Variants in PCSK1 observed in about 807,000 individuals in gnomAD.
The protein encoded by PCSK1 is neuroendocrine convertase 1.
PCSK1 carries 56 observed loss-of-function variants against 90.6 expected under a neutral mutation model. The ratio of observed to expected loss-of-function variants is 0.62; its 90% CI spans 0.50 to 0.77. PCSK1 has a LOEUF of 0.77. Ranked by LOEUF, PCSK1 falls within the 30% of genes least tolerant of loss-of-function variation. PCSK1 has a pLI of 0.00. For synonymous variants in PCSK1, 348 were observed against 342.4 expected (o/e 1.02, Z -0.18); for missense variants, 801 against 932.6 (o/e 0.86, Z 1.84).
intron 1 of PCSK1, among the ~76,000 whole-genome samples, chr5:96,432,657 G>T (rs1345008107): frequency 6.6e-6 from 1 of 152,172 alleles, no homozygotes; most frequent in Admixed American, 6.5e-5. Flanking sequence ...GCTTCCTTCT[G>T]CTTGGCTGCG....
At chr5:96,411,599 G>A (rs746856763) in intron 7 of PCSK1, among the ~76,000 whole-genome samples, 3 of 152,314 alleles carry the variant, frequency 2.0e-5, no homozygotes, top group South Asian at 4.1e-4. Context: ...CAACAGGCAC[G>A]TGCAGAGCAG....
chr5:96,421,738 G>A (rs1189867515), intron 5 of PCSK1, 142 bp downstream of exon 5: 1 of 676,324 alleles, frequency 1.5e-6, no homozygotes, highest in Non-Finnish European at 2.7e-6. Context: ...TGTTTTAAAA[G>A]CAACAAAATA....
intron 3 of PCSK1, among the ~76,000 whole-genome samples, chr5:96,423,990 G>A (rs1237315615): frequency 6.6e-6 from 1 of 152,206 alleles, no homozygotes; most frequent in African/African-American, 2.4e-5. Flanking sequence ...CTATTTTTAA[G>A]TATGAGTGAT....
intron 3 of PCSK1, among the ~76,000 whole-genome samples, chr5:96,424,561 C>T (rs1761223508): frequency 1.3e-5 from 2 of 152,118 alleles, no homozygotes; most frequent in Admixed American, 1.3e-4. Flanking sequence ...ATCATGAGAA[C>T]AAAATGAATT....
rs113768740 is a variant in PCSK1 at position 96,396,282 on chromosome 5, C to T, written c.1722+1054G>A. 3.6e-3 allele frequency among the ~76,000 whole-genome samples: 550 copies of T among 152,174 alleles called. 2 individuals carry two copies. Among genetic ancestry groups the T allele is most frequent in the African/African-American group, 0.013 (524 of 41,510 alleles). ...TTTATTTTCAAAAAGTTATCTAGGC[C>T]GGGTGTGGTGGCTTACACCTGTAAT... On this transcript the variant is annotated intron_variant, in intron 12 of 13. Coordinates refer to ENST00000311106, the MANE Select transcript of PCSK1 (RefSeq NM_000439.5).
intron 4 of PCSK1, among the ~76,000 whole-genome samples, chr5:96,423,058 G>T (rs1283884012): frequency 1.3e-5 from 2 of 152,144 alleles, no homozygotes; most frequent in Admixed American, 6.6e-5. Context: ...AACTTAATTG[G>T]TGTAGGCACT....
intron 8 of PCSK1, among the ~76,000 whole-genome samples, chr5:96,410,457 G>A (rs751890886): frequency 1.3e-5 from 2 of 152,002 alleles, no homozygotes; most frequent in African/African-American, 2.4e-5. Flanking sequence ...CTCCTTTAAG[G>A]CTGTTTCCAG....
In PCSK1 at chr5:96,425,845, G is replaced by A. The variant is rs1561376921; in HGVS notation, c.371C>T (p.Pro124Leu). The change falls in exon 3 of 14, where the codon CCC becomes CTC. Residue 124 changes from proline (P) to leucine (L), a missense_variant. Coordinates refer to ENST00000311106, the MANE Select transcript of PCSK1 (RefSeq NM_000439.5). ...RDSALNLFND[P>L]MWNQQWYLQD... Reference sequence around the variant, plus strand: ...CAAGTACCATTGCTGATTCCACATGGGATCATTGAAGAGATTTAGTGCTGA... The same window carrying A: ...CAAGTACCATTGCTGATTCCACATGAGATCATTGAAGAGATTTAGTGCTGA... 1.9e-6 allele frequency: 3 copies of A among 1,603,014 alleles called. No individual in the cohort carries two copies. The highest frequency in any genetic ancestry group is 1.7e-6 in the Non-Finnish European group (2 of 1,169,960).
chr5:96,423,486 G>A, intron 3 of PCSK1, 27 bp from the exon 4 acceptor site: 2 of 1,611,392 alleles, frequency 1.2e-6, no homozygotes, highest in Non-Finnish European at 1.7e-6. Context: ...ACGAAGCATT[G>A]ATAAAATTAT....
In PCSK1 at chr5:96,396,112, A is replaced by C. The variant is rs922772884; in HGVS notation, c.1723-1087T>G. Among the ~76,000 whole-genome samples the C allele has an allele frequency of 3.9e-5, 6 of 152,096 alleles. No individual in the cohort carries two copies. The South Asian group carries it at 1.0e-3, about 26-fold the overall frequency. ...GCTAAGAACATTCTTTTTTTGCTCTATGAGAGAAGGACATTTTACAACTTC... is the reference window on the plus strand; with the variant it reads ...GCTAAGAACATTCTTTTTTTGCTCTCTGAGAGAAGGACATTTTACAACTTC... On this transcript the variant is annotated intron_variant, in intron 12 of 13. Transcript: ENST00000311106.
intron 3 of PCSK1, among the ~76,000 whole-genome samples, chr5:96,423,823 C>T (rs1011504960): frequency 2.2e-4 from 34 of 152,172 alleles, no homozygotes; most frequent in African/African-American, 7.5e-4. Context: ...TTTCATCTCC[C>T]CCCAAATCCT....
At chr5:96,412,721 C>A (rs916068228) in intron 6 of PCSK1, among the ~76,000 whole-genome samples, 1 of 143,452 alleles carries the variant, frequency 7.0e-6, no homozygotes, top group Non-Finnish European at 1.5e-5. Context: ...TAATACTATG[C>A]AATACCATGC....
chr5:96,432,827 G>T, intron 1 of PCSK1, 36 bp downstream of exon 1: 1 of 1,596,702 alleles, frequency 6.3e-7, no homozygotes, highest in Non-Finnish European at 8.6e-7. Context: ...AGTCCCCTGG[G>T]GCCCCAGAAA....
intron 7 of PCSK1, among the ~76,000 whole-genome samples, 170 bp from the exon 8 acceptor site, chr5:96,411,156 G>C (rs1318579986): frequency 6.6e-6 from 1 of 152,218 alleles, no homozygotes; most frequent in Non-Finnish European, 1.5e-5. Flanking sequence ...TCACAAGGCT[G>C]TGTATTATAA....
intron 3 of PCSK1, among the ~76,000 whole-genome samples, chr5:96,425,066 A>AAGAAAGAAAGAAAG (rs1554059798): frequency 1.3e-4 from 18 of 140,438 alleles, no homozygotes; most frequent in African/African-American, 4.7e-4. Context: ...GAAAGAAAGA[A>AAGAAAGAAAGAAAG]AGAAAGAAAA....
intron 5 of PCSK1, among the ~76,000 whole-genome samples, chr5:96,418,128 G>C (rs1760991976): frequency 6.6e-6 from 1 of 152,184 alleles, no homozygotes; most frequent in Non-Finnish European, 1.5e-5. Context: ...AGTGAGAGCT[G>C]CAGGAGGATC....
At chr5:96,412,755 T>TTTTTTTTTTTGTTTTG (rs1436262076) in intron 6 of PCSK1, among the ~76,000 whole-genome samples, 23 of 141,388 alleles carry the variant, frequency 1.6e-4, no homozygotes, top group African/African-American at 6.3e-4. Flanking sequence ...CTGTGATGTT[T>TTTTTTTTTTTGTTTTG]TTTTTTTTTT....
At position 96,423,430 on chromosome 5, in the gene PCSK1, G is replaced by C. The variant is rs1242317466; in HGVS notation, c.426C>G (p.Pro142=). 1 of 1,613,942 alleles carries C rather than the reference G, an allele frequency of 6.2e-7. No individual in the cohort carries two copies. The highest frequency in any genetic ancestry group is 8.5e-7 in the Non-Finnish European group (1 of 1,179,936). The part of the protein sequence containing the change: ...LQDTRMTAAL[P]KLDLHVIPVW... Reference sequence around the variant, plus strand: ...CAGGTATCACATGAAGGTCCAGCTTGGGCAGGGCTGCCGTCATCCTGGTAT... The same window carrying C: ...CAGGTATCACATGAAGGTCCAGCTTCGGCAGGGCTGCCGTCATCCTGGTAT... Residue 142 remains proline, a synonymous_variant, in exon 4 of 14, where the codon CCC becomes CCG. Coordinates refer to ENST00000311106, the MANE Select transcript of PCSK1 (RefSeq NM_000439.5).
intron 12 of PCSK1, 30 bp from the exon 13 acceptor site, chr5:96,395,055 T>G (rs768945184): frequency 6.5e-7 from 1 of 1,539,932 alleles, no homozygotes; most frequent in African/African-American, 1.4e-5. Context: ...ACATTTAGTA[T>G]GTGTTTTAGA....
Sources: gnomAD v4.1 joint callset for allele counts (sites outside exome capture counted in the v4.1 genomes callset) on GRCh38, gnomAD v4.1.1 for gene constraint, MANE v1.5 for transcripts, NCBI Gene and HGNC (gene_info 2026-07-23, HGNC 2026-07-21) for gene names.